CSMD1: variants seen among roughly 807,000 people sequenced by gnomAD.
CSMD1 encodes the protein CUB and sushi domain-containing protein 1.
Under a neutral mutation model 417.5 loss-of-function variants are expected in CSMD1, and 213 were observed. The observed-to-expected ratio is 0.51, with a 90% CI of 0.46 to 0.57. The LOEUF (loss-of-function observed/expected upper bound fraction) is 0.57. Ranked by LOEUF, CSMD1 falls within the 20% of genes least tolerant of loss-of-function variation. The probability of loss-of-function intolerance (pLI) is 0.00; values close to 1 mark genes in which losing one functional copy is unlikely to be tolerated. For synonymous variants in CSMD1, 2,862 were observed against 1,736.8 expected (o/e 1.65, Z -16.11); for missense variants, 6,923 against 4,529.7 (o/e 1.53, Z -15.17).
At chr8:3,790,006 C>T (rs781159387) in intron 5 of CSMD1, among the ~76,000 whole-genome samples, 2 of 152,150 alleles carry the variant, frequency 1.3e-5, no homozygotes, top group African/African-American at 2.4e-5. Context: ...GCTGGGATTA[C>T]AGGCGTAAGC....
rs1002022301 is a variant in CSMD1, at chr8:3,668,153, G to A, written c.1009+40261C>T. 3.9e-5 allele frequency among the ~76,000 whole-genome samples: 6 copies of A among 152,116 alleles called. No homozygotes were observed. In the South Asian group the frequency reaches 6.2e-4, roughly 16 times the overall value. On this transcript the variant is annotated intron_variant, in intron 7 of 69. Transcript: ENST00000635120. ...AATTTGGACAGATAACGAATCTACA[G>A]GGGTGTGCAGAGGGGCTGACCTCTG...
chr8:4,157,690 C>A (rs899033555), intron 3 of CSMD1, among the ~76,000 whole-genome samples: 1 of 152,212 alleles, frequency 6.6e-6, no homozygotes, highest in Non-Finnish European at 1.5e-5. Flanking sequence ...CACGCCCAAC[C>A]GGCCTTGGGT....
intron 9 of CSMD1, among the ~76,000 whole-genome samples, chr8:3,577,619 T>C (rs985618242): frequency 6.6e-6 from 1 of 152,190 alleles, no homozygotes; most frequent in Non-Finnish European, 1.5e-5. Context: ...TCAATAAATA[T>C]TAGCATAGCT....
chr8:4,575,476 C>T (rs536970405), intron 2 of CSMD1, among the ~76,000 whole-genome samples: 8 of 152,256 alleles, frequency 5.3e-5, no homozygotes, highest in Admixed American at 5.2e-4. Flanking sequence ...TGAACGTTAT[C>T]TGAAGAAAAG....
chr8:4,110,181 A>G (rs1801777015), intron 3 of CSMD1, among the ~76,000 whole-genome samples: 1 of 152,158 alleles, frequency 6.6e-6, no homozygotes, highest in African/African-American at 2.4e-5. Context: ...TGGATCACAT[A>G]TCTAAAGAAT....
At chr8:2,951,385 G>T in intron 65 of CSMD1, 110 bp from the exon 66 acceptor site, 1 of 1,145,546 alleles carries the variant, frequency 8.7e-7, no homozygotes, top group Non-Finnish European at 1.2e-6. Context: ...CACAGATGAG[G>T]GCAGTGATGA....
intron 1 of CSMD1, among the ~76,000 whole-genome samples, chr8:4,881,908 G>C (rs1291776417): frequency 6.6e-6 from 1 of 151,896 alleles, no homozygotes; most frequent in Admixed American, 6.6e-5. Context: ...ATTGATGCTG[G>C]ACACTTTTGT....
chr8:3,968,965 T>A (rs796513991), intron 5 of CSMD1, among the ~76,000 whole-genome samples: 2 of 152,148 alleles, frequency 1.3e-5, no homozygotes, highest in South Asian at 4.1e-4. Context: ...TAAGACCTAA[T>A]GCAGGGCAGG....
intron 12 of CSMD1, among the ~76,000 whole-genome samples, chr8:3,444,038 G>C (rs552632025): frequency 3.9e-5 from 6 of 152,040 alleles, no homozygotes; most frequent in African/African-American, 1.4e-4. Flanking sequence ...TGAATCAGGC[G>C]TATCAGCATG....
chr8:4,821,971 T>C, intron 1 of CSMD1, among the ~76,000 whole-genome samples: 1 of 152,050 alleles, frequency 6.6e-6, no homozygotes, highest in African/African-American at 2.4e-5. Flanking sequence ...CAGAGAATAC[T>C]ACGTAAAATA....
intron 5 of CSMD1, among the ~76,000 whole-genome samples, chr8:3,920,463 C>T (rs984943866): frequency 6.6e-6 from 1 of 151,860 alleles, no homozygotes; most frequent in Admixed American, 6.6e-5. Flanking sequence ...AATTTGAGTG[C>T]CTTTTATTCT....
At chr8:4,838,638 T>C (rs145525069) in intron 1 of CSMD1, among the ~76,000 whole-genome samples, 35 of 152,356 alleles carry the variant, frequency 2.3e-4, no homozygotes, top group African/African-American at 8.2e-4. Context: ...TGCAAAACAA[T>C]AGCTCTATTG....
intron 4 of CSMD1, among the ~76,000 whole-genome samples, chr8:4,030,003 T>C (rs1159957908): frequency 6.6e-6 from 1 of 152,152 alleles, no homozygotes; most frequent in Non-Finnish European, 1.5e-5. Flanking sequence ...CACATCCAGG[T>C]CATGCTGATG....
chr8:3,285,257 T>A (rs557188818), intron 25 of CSMD1, among the ~76,000 whole-genome samples: 2 of 152,232 alleles, frequency 1.3e-5, no homozygotes, highest in African/African-American at 4.8e-5. Flanking sequence ...AAAACACTTA[T>A]GTCACCCTGT....
intron 1 of CSMD1, among the ~76,000 whole-genome samples, chr8:4,882,026 T>C (rs1405042589): frequency 6.6e-6 from 1 of 152,062 alleles, no homozygotes; most frequent in Non-Finnish European, 1.5e-5. Context: ...TTATTTGCAA[T>C]CCTGGGCAAG....
intron 3 of CSMD1, among the ~76,000 whole-genome samples, chr8:4,061,899 G>C (rs560472235): frequency 1.3e-5 from 2 of 152,172 alleles, no homozygotes; most frequent in African/African-American, 4.8e-5. Context: ...TACTGGTAAA[G>C]TGAATAAATA....
At chr8:3,635,459 G>C (rs1490647136) in intron 7 of CSMD1, among the ~76,000 whole-genome samples, 3 of 151,298 alleles carry the variant, frequency 2.0e-5, no homozygotes, top group Non-Finnish European at 4.4e-5. Context: ...ACTCCAGCCT[G>C]GGCAATGGAG....
chr8:3,239,107 G>A (rs1051087599), intron 26 of CSMD1, among the ~76,000 whole-genome samples: 1 of 152,134 alleles, frequency 6.6e-6, no homozygotes, highest in African/African-American at 2.4e-5. Flanking sequence ...TTCTGAGAAG[G>A]GAAAGTGGTA....
intron 3 of CSMD1, among the ~76,000 whole-genome samples, chr8:4,172,226 A>G (rs1014861834): frequency 6.6e-6 from 1 of 152,162 alleles, no homozygotes; most frequent in Non-Finnish European, 1.5e-5. Flanking sequence ...GGACCAAGAG[A>G]ATAGGGTCAA....
Sources: allele counts gnomAD v4.1 joint callset (sites outside exome capture counted in the v4.1 genomes callset), GRCh38; gene constraint gnomAD v4.1.1; transcripts MANE v1.5; gene names NCBI Gene and HGNC (gene_info 2026-07-23, HGNC 2026-07-21).